SPPL3: variants seen among roughly 807,000 people sequenced by gnomAD.
The protein encoded by SPPL3 is signal peptide peptidase like 3, also known as signal peptide peptidase-like 3.
In SPPL3, 5 loss-of-function variants were observed where a neutral mutation model predicts 42.4. The observed-to-expected ratio is 0.12, with a 90% CI of 0.06 to 0.25. The LOEUF (loss-of-function observed/expected upper bound fraction) is 0.25, where lower values mean the gene tolerates loss of function less well. SPPL3 is among the 10% of genes least tolerant of loss of function. The pLI, the probability that SPPL3 is intolerant of heterozygous loss-of-function variation, is 1.00. For missense variants in SPPL3, 235 were observed against 489.0 expected, an observed-to-expected ratio of 0.48 and a Z score of 4.90; for synonymous variants, 195 against 181.8, an observed-to-expected ratio of 1.07 and a Z score of -0.58.
chr12:120,842,291 A>G (rs1871859162), intron 1 of SPPL3, among the ~76,000 whole-genome samples: 1 of 152,204 alleles, frequency 6.6e-6, no homozygotes, highest in Non-Finnish European at 1.5e-5. Context: ...AACGAGCACC[A>G]CAAAGTTAAA....
intron 1 of SPPL3, among the ~76,000 whole-genome samples, chr12:120,875,392 A>G (rs1347451254): frequency 8.5e-5 from 13 of 152,190 alleles, no homozygotes; most frequent in Admixed American, 8.5e-4. Context: ...CACTAAAAAT[A>G]TAAAACAAAG....
At chr12:120,770,738 TCA>T (rs1049094237) in intron 6 of SPPL3, among the ~76,000 whole-genome samples, 17 of 152,304 alleles carry the variant, frequency 1.1e-4, no homozygotes, top group African/African-American at 4.1e-4. Flanking sequence ...TTTTCCTCTC[TCA>T]GTGATCTCGT....
chr12:120,878,979 G>T (rs557240081), intron 1 of SPPL3, among the ~76,000 whole-genome samples: 48 of 151,896 alleles, frequency 3.2e-4, no homozygotes, highest in African/African-American at 1.0e-3. Flanking sequence ...TGGGTGTGGT[G>T]GCGGGCGCCT....
chr12:120,863,506 C>T (rs1181933397), intron 1 of SPPL3, among the ~76,000 whole-genome samples: 1 of 152,126 alleles, frequency 6.6e-6, no homozygotes, highest in Admixed American at 6.5e-5. Context: ...TTAATCTGTA[C>T]TATGATATAT....
intron 2 of SPPL3, among the ~76,000 whole-genome samples, chr12:120,809,144 G>C (rs1490567708): frequency 1.3e-5 from 2 of 152,164 alleles, no homozygotes; most frequent in African/African-American, 4.8e-5. Context: ...AGGAGATAGA[G>C]ACCATCCTGG....
intron 10 of SPPL3, among the ~76,000 whole-genome samples, chr12:120,765,834 A>C (rs1868869706): frequency 6.6e-6 from 1 of 152,168 alleles, no homozygotes; most frequent in Non-Finnish European, 1.5e-5. Context: ...TCTGGGAAAT[A>C]ATGTGCTCTT....
At chr12:120,829,489 T>G (rs529914382) in intron 1 of SPPL3, among the ~76,000 whole-genome samples, 1 of 151,950 alleles carries the variant, frequency 6.6e-6, no homozygotes, top group East Asian at 1.9e-4. Context: ...CCAGCTACTC[T>G]GGAGACTGAG....
chr12:120,838,442 A>T (rs568429059), intron 1 of SPPL3, among the ~76,000 whole-genome samples: 15 of 152,296 alleles, frequency 9.8e-5, no homozygotes, highest in South Asian at 2.1e-4. Context: ...AAGGCAGATC[A>T]ATCAGGGGCC....
chr12:120,831,926 C>A (rs1265011222), intron 1 of SPPL3, among the ~76,000 whole-genome samples: 2 of 152,172 alleles, frequency 1.3e-5, no homozygotes, highest in Non-Finnish European at 2.9e-5. Flanking sequence ...CACCTAGAAA[C>A]CAAAATTCTC....
At chr12:120,792,301 C>A (rs145168833) in intron 2 of SPPL3, among the ~76,000 whole-genome samples, 67 of 152,188 alleles carry the variant, frequency 4.4e-4, no homozygotes, top group African/African-American at 1.5e-3. Context: ...ATTTAGAATT[C>A]TTTAACCAGT....
chr12:120,870,152 A>C (rs1034603317), intron 1 of SPPL3, among the ~76,000 whole-genome samples: 6 of 152,194 alleles, frequency 3.9e-5, no homozygotes, highest in Admixed American at 3.9e-4. Context: ...CAAAGTAATA[A>C]AGAAAAAAAA....
chr12:120,878,958 A>G (rs113038456), intron 1 of SPPL3, among the ~76,000 whole-genome samples: 2,462 of 151,852 alleles, frequency 0.016, 28 homozygotes, highest in South Asian at 0.067. Flanking sequence ...TACATAAAAT[A>G]CAAAATTAGC....
intron 6 of SPPL3, among the ~76,000 whole-genome samples, chr12:120,774,782 G>A (rs1869251890): frequency 6.6e-6 from 1 of 151,946 alleles, no homozygotes; most frequent in East Asian, 1.9e-4. Context: ...GCTTTTCAAG[G>A]CTAAAGTGAA....
chr12:120,892,709 G>C (rs369855749), intron 1 of SPPL3, among the ~76,000 whole-genome samples: 1 of 152,084 alleles, frequency 6.6e-6, no homozygotes, highest in Non-Finnish European at 1.5e-5. Context: ...GAGGCCAGGC[G>C]CGGTGGCTCA....
chr12:120,768,938 G>A lies in SPPL3; in HGVS notation c.609+15C>T. On this transcript the variant is annotated intron_variant, in intron 7 of 10. Transcript: ENST00000353487. ...CACAAAGAAGGGGAGGAGCTCCAAG[G>A]ACATAAACGCTTACCCAAAAGACAT... 6.3e-7 allele frequency: 1 copy of A among 1,590,226 alleles called. No homozygotes were observed. The highest frequency in any genetic ancestry group is 1.1e-5 in the South Asian group (1 of 87,598).
chr12:120,822,744 A>G (rs941069340), intron 1 of SPPL3, among the ~76,000 whole-genome samples: 4 of 152,162 alleles, frequency 2.6e-5, no homozygotes, highest in African/African-American at 9.7e-5. Flanking sequence ...CTGGGGGCAC[A>G]CTTCTACCTG....
intron 1 of SPPL3, among the ~76,000 whole-genome samples, chr12:120,870,545 C>T (rs1029283925): frequency 2.0e-5 from 3 of 152,116 alleles, no homozygotes; most frequent in African/African-American, 7.2e-5. Context: ...TTCACAGCAG[C>T]ATTATTCACA....
intron 2 of SPPL3, among the ~76,000 whole-genome samples, chr12:120,797,610 C>T (rs1257366267): frequency 6.6e-6 from 1 of 152,098 alleles, no homozygotes; most frequent in Non-Finnish European, 1.5e-5. Flanking sequence ...TAAATAGGTC[C>T]TGAACTGGAC....
chr12:120,788,132 G>T (rs1483561583), intron 3 of SPPL3, among the ~76,000 whole-genome samples: 4 of 152,166 alleles, frequency 2.6e-5, no homozygotes, highest in Non-Finnish European at 2.9e-5. Context: ...CTCCAGTAAC[G>T]CAAGAGGGCT....
Sources: allele counts gnomAD v4.1 joint callset (sites outside exome capture counted in the v4.1 genomes callset), GRCh38; gene constraint gnomAD v4.1.1; transcripts MANE v1.5; gene names NCBI Gene and HGNC (gene_info 2026-07-23, HGNC 2026-07-21).